The following SYCP2 variants were observed in gnomAD, a reference collection of about 807,000 sequenced individuals.
The protein encoded by SYCP2 is synaptonemal complex lateral element protein.
A neutral mutation model predicts 211.3 loss-of-function variants in SYCP2; 55 were observed. The ratio of observed to expected loss-of-function variants is 0.26; its 90% confidence interval spans 0.21 to 0.33. The LOEUF is 0.33. SYCP2 is among the 10% of genes least tolerant of loss of function. The pLI is 1.00. For missense variants in SYCP2, 1,731 were observed against 1,752.0 expected (o/e 0.99, Z 0.21); for synonymous variants, 570 against 555.2 (o/e 1.03, Z -0.37).
chr20:59,900,075 C>A, intron 18 of SYCP2, 63 bp downstream of exon 18: 2 of 1,500,052 alleles, frequency 1.3e-6, no homozygotes, highest in South Asian at 2.3e-5. Context: ...TTTCAGTACT[C>A]ATATATAACA....
At chr20:59,930,799 CAAT>C (rs901302406) in intron 2 of SYCP2, among the ~76,000 whole-genome samples, 8 of 152,034 alleles carry the variant, frequency 5.3e-5, no homozygotes, top group South Asian at 2.1e-4. Flanking sequence ...TACAATTCTA[CAAT>C]AATTTTAATA....
intron 34 of SYCP2, among the ~76,000 whole-genome samples, chr20:59,874,345 C>T (rs1246497072): frequency 1.3e-5 from 2 of 152,022 alleles, no homozygotes; most frequent in Non-Finnish European, 2.9e-5. Context: ...TAAGGATCAA[C>T]CTAAGTATTA....
chr20:59,900,507 ACTG>A (rs1386889966), intron 17 of SYCP2, among the ~76,000 whole-genome samples: 1 of 152,156 alleles, frequency 6.6e-6, no homozygotes, highest in Non-Finnish European at 1.5e-5. Context: ...AAGGACATTT[ACTG>A]CTTTTTTAAA....
intron 24 of SYCP2, among the ~76,000 whole-genome samples, chr20:59,888,458 TA>T (rs769124473): frequency 2.0e-5 from 3 of 151,906 alleles, no homozygotes. Flanking sequence ...AGATTCACGA[TA>T]AAAAACCCTT....
intron 31 of SYCP2, among the ~76,000 whole-genome samples, chr20:59,879,935 T>C (rs2059644001): frequency 6.7e-6 from 1 of 148,168 alleles, no homozygotes; most frequent in African/African-American, 2.5e-5. Context: ...TACATGTAAA[T>C]ATATATAGAT....
At chr20:59,881,522 G>A (rs1354753918) in intron 28 of SYCP2, 30 bp from the exon 29 acceptor site, 9 of 1,104,778 alleles carry the variant, frequency 8.1e-6, no homozygotes, top group African/African-American at 1.6e-5. Context: ...AAAAAAAGAG[G>A]TGTCAGTGTC....
chr20:59,925,406 A>C (rs1028112639), intron 2 of SYCP2, among the ~76,000 whole-genome samples: 7 of 152,224 alleles, frequency 4.6e-5, no homozygotes, highest in African/African-American at 1.2e-4. Context: ...AGGATTTAAC[A>C]AAAGAAAGAA....
chr20:59,897,495 T>C (rs2060032417), intron 18 of SYCP2, among the ~76,000 whole-genome samples: 1 of 152,140 alleles, frequency 6.6e-6, no homozygotes, highest in African/African-American at 2.4e-5. Context: ...TTTCGAACTT[T>C]GGTGTGCTTA....
intron 37 of SYCP2, 22 bp downstream of exon 37, chr20:59,868,787 TAGCATTTCAGTAATCATTTTTTAAAA>T: frequency 6.8e-7 from 1 of 1,475,092 alleles, no homozygotes; most frequent in East Asian, 2.3e-5. Context: ...AAATGTCACG[TAGCATTTCAGTAATCATTTTTTAAAA>T]AGCAAGACTA....
At chr20:59,886,610 A>G (rs905247096) in intron 25 of SYCP2, 97 bp downstream of exon 25, 1 of 877,686 alleles carries the variant, frequency 1.1e-6, no homozygotes, top group African/African-American at 1.8e-5. Flanking sequence ...GAAAAGTTAC[A>G]TTATCTGAAC....
intron 2 of SYCP2, among the ~76,000 whole-genome samples, chr20:59,930,026 T>C (rs151059292): frequency 1.4e-4 from 22 of 152,248 alleles, no homozygotes; most frequent in African/African-American, 4.6e-4. Context: ...ATGCGCTCTA[T>C]ATAGTGTAAT....
rs577299296 is a variant in SYCP2, at chr20:59,874,970, A to T, written c.3349+301T>A. The stretch of plus-strand genomic sequence containing the variant: ...TATTAAATATATATTGAGCTAAAAA[A>T]AAGCACATTAAAATTAAGTACTTTT... On this transcript the variant is annotated intron_variant, in intron 34 of 44. Transcript: ENST00000357552. Among the ~76,000 whole-genome samples, 5 of 151,982 alleles carry T rather than the reference A, an allele frequency of 3.3e-5. No homozygotes were observed. In the East Asian group the frequency reaches 9.6e-4, roughly 29 times the overall value.
intron 25 of SYCP2, 148 bp downstream of exon 25, chr20:59,886,559 T>C (rs1451473708): frequency 2.0e-6 from 1 of 512,338 alleles, no homozygotes; most frequent in Non-Finnish European, 3.2e-6. Flanking sequence ...TTTAAACACC[T>C]ACTATTTATA....
chr20:59,889,320 G>T (rs1027609494), intron 24 of SYCP2, among the ~76,000 whole-genome samples: 3 of 151,930 alleles, frequency 2.0e-5, no homozygotes, highest in Non-Finnish European at 4.4e-5. Flanking sequence ...ATAGGGGAAT[G>T]GGTAAATGGG....
intron 33 of SYCP2, 144 bp downstream of exon 33, chr20:59,877,241 A>G (rs2059579002): frequency 1.5e-6 from 1 of 671,898 alleles, no homozygotes; most frequent in Non-Finnish European, 2.2e-6. Context: ...CCTAAGGGCA[A>G]ATTTCTAGAA....
intron 31 of SYCP2, among the ~76,000 whole-genome samples, chr20:59,879,822 AATATATATATATATATATAT>A (rs1159547809): frequency 2.0e-5 from 1 of 51,118 alleles, no homozygotes; most frequent in Non-Finnish European, 3.2e-5. Flanking sequence ...AATATAAATA[AATATATATATATATATATAT>A]ATATATATAT....
rs2060100065 is a variant in SYCP2 at position 59,900,744 on chromosome 20, C to T, written c.1257G>A (p.Gln419=). Residue 419 remains glutamine, a splice_region_variant and synonymous_variant, in exon 17 of 45, where the codon CAG becomes CAA. Transcript: ENST00000357552. ...LHILFDASGS[Q]ILVPESQISP... The stretch of plus-strand genomic sequence containing the variant: ...AAAATCAAGTAAGTCTGAGACATAC[C>T]TGTGATCCACTTGCGTCAAAAAGTA... 6.2e-7 allele frequency: 1 copy of T among 1,611,988 alleles called. No individual in the cohort carries two copies. Among genetic ancestry groups the T allele is most frequent in the East Asian group, 2.2e-5 (1 of 44,772 alleles).
intron 2 of SYCP2, among the ~76,000 whole-genome samples, chr20:59,931,550 C>T (rs71321558): frequency 0.037 from 5,643 of 152,236 alleles, 158 homozygotes; most frequent in Middle Eastern, 0.088. Context: ...TATACTCTTA[C>T]CCTAGGGCCA....
intron 6 of SYCP2, 65 bp from the exon 7 acceptor site, chr20:59,919,247 T>C (rs1332826152): frequency 2.3e-6 from 2 of 862,852 alleles, no homozygotes; most frequent in South Asian, 1.6e-5. Context: ...TACAATATTA[T>C]AAACCATTAC....
Sources: allele counts gnomAD v4.1 joint callset (sites outside exome capture counted in the v4.1 genomes callset), GRCh38; gene constraint gnomAD v4.1.1; transcripts MANE v1.5; gene names NCBI Gene and HGNC (gene_info 2026-07-23, HGNC 2026-07-21).